Variants in HYDIN observed in about 807,000 individuals in gnomAD.
HYDIN encodes the protein HYDIN axonemal central pair apparatus protein.
A neutral mutation model predicts 403.9 loss-of-function variants in HYDIN; 132 were observed. The ratio of observed to expected loss-of-function variants is 0.33; its 90% CI spans 0.28 to 0.38. The LOEUF (loss-of-function observed/expected upper bound fraction) is 0.38, where lower values mean the gene tolerates loss of function less well. HYDIN is among the 10% of genes least tolerant of loss of function. HYDIN has a pLI of 1.00. For synonymous variants in HYDIN, 1,202 were observed against 1,891.7 expected, an observed-to-expected ratio of 0.64 and a Z score of 9.46; for missense variants, 2,827 against 5,009.5, an observed-to-expected ratio of 0.56 and a Z score of 13.15.
intron 65 of HYDIN, 67 bp downstream of exon 65, chr16:70,871,970 T>C: frequency 4.0e-6 from 6 of 1,486,964 alleles, no homozygotes; most frequent in Non-Finnish European, 5.4e-6. Context: ...GGGAAAGGGC[T>C]GACAATCAGT....
chr16:71,230,447 A>G (rs2041230358), intron 1 of HYDIN, 115 bp downstream of exon 1: 1 of 1,270,234 alleles, frequency 7.9e-7, no homozygotes, highest in Non-Finnish European at 1.1e-6. Context: ...GGGTCTGGAA[A>G]GTCTGGAGAA....
chr16:71,161,331 C>G (rs1439075606), intron 6 of HYDIN, among the ~76,000 whole-genome samples: 1 of 152,188 alleles, frequency 6.6e-6, no homozygotes, highest in African/African-American at 2.4e-5. Context: ...ACAGATAAAG[C>G]TTTGCTCTCT....
intron 18 of HYDIN, among the ~76,000 whole-genome samples, chr16:71,034,773 GATA>G (rs2081031713): frequency 6.6e-6 from 1 of 150,734 alleles, no homozygotes; most frequent in Non-Finnish European, 1.5e-5. Flanking sequence ...GCAGATGAAT[GATA>G]ATGAGGAAAT....
chr16:70,835,532 A>G, intron 78 of HYDIN, 144 bp downstream of exon 78: 1 of 722,170 alleles, frequency 1.4e-6, no homozygotes, highest in South Asian at 1.9e-5. Context: ...GTGAAAATGA[A>G]CAGAGGGAGT....
chr16:70,892,375 C>T lies in HYDIN; in HGVS notation c.9403G>A (p.Val3135Ile). The change falls in exon 56 of 86, where the codon GTT becomes ATT. Residue 3135 changes from valine (V) to isoleucine (I), a missense_variant. Val to Ile is a conservative substitution (Grantham distance 29). Transcript: ENST00000393567. ...KKEVKIEHQPVLRCQIIEPNI... is the reference protein window; with the variant it reads ...KKEVKIEHQPILRCQIIEPNI... ...AGCTCTCTTACCTGACAGCGCAGAA[C>T]AGGCTGGTGCTCAATCTTCACTTCC... The T allele has an allele frequency of 6.4e-7, 1 of 1,563,354 alleles. No homozygotes were observed. Among genetic ancestry groups the T allele is most frequent in the African/African-American group, 1.4e-5 (1 of 73,180 alleles).
rs1199971095 is a variant in HYDIN at position 70,884,025 on chromosome 16, T to C, written c.9874A>G (p.Met3292Val). 2 of 1,614,162 alleles carry C rather than the reference T, an allele frequency of 1.2e-6. No individual in the cohort carries two copies. Among genetic ancestry groups the C allele is most frequent in the Middle Eastern group, 3.3e-4 (2 of 6,062 alleles). Residue 3292 changes from methionine (M) to valine (V), a missense_variant, in exon 59 of 86, where the codon ATG (methionine) becomes GTG (valine). Transcript: ENST00000393567. ...VINVDCVADA[M>V]GKCEEFIAID... The stretch of plus-strand genomic sequence containing the variant: ...GCTATAAACTCCTCACACTTTCCCA[T>C]GGCGTCAGCCACACAGTCAACGTTG...
chr16:71,120,592 T>A (rs1458787673), intron 9 of HYDIN, among the ~76,000 whole-genome samples: 1 of 151,550 alleles, frequency 6.6e-6, no homozygotes, highest in Non-Finnish European at 1.5e-5. Context: ...CAGCAATACT[T>A]ACAGGGGATC....
chr16:71,178,744 A>G (rs557057197), intron 4 of HYDIN, among the ~76,000 whole-genome samples, 184 bp downstream of exon 4: 1 of 152,314 alleles, frequency 6.6e-6, no homozygotes, highest in East Asian at 1.9e-4. Context: ...AGGACTCAAC[A>G]TATAGCAACA....
chr16:71,069,211 A>G (rs6416719), intron 14 of HYDIN, 56 bp downstream of exon 14: 357,195 of 1,251,036 alleles, frequency 0.29, 70,982 homozygotes, highest in African/African-American at 0.72. Flanking sequence ...AGGGCCCATG[A>G]CTATTTTGAA....
intron 1 of HYDIN, among the ~76,000 whole-genome samples, chr16:71,195,981 A>AT (rs1425234120): frequency 6.6e-6 from 1 of 152,230 alleles, no homozygotes; most frequent in Non-Finnish European, 1.5e-5. Flanking sequence ...ACTAAGGACC[A>AT]TGTAGGAAGA....
intron 8 of HYDIN, among the ~76,000 whole-genome samples, chr16:71,134,531 G>A (rs2084840297): frequency 6.6e-6 from 1 of 152,206 alleles, no homozygotes; most frequent in African/African-American, 2.4e-5. Flanking sequence ...TTTCAGGGAT[G>A]GGCGGGTCTC....
At chr16:71,018,934 T>TG (rs2080366959) in intron 22 of HYDIN, among the ~76,000 whole-genome samples, 1 of 48,172 alleles carries the variant, frequency 2.1e-5, no homozygotes, top group Non-Finnish European at 4.3e-5. Flanking sequence ...GGGTTGGGGG[T>TG]GGGGGGCTCT....
At chr16:71,198,857 G>A (rs1170764240) in intron 1 of HYDIN, among the ~76,000 whole-genome samples, 1 of 152,206 alleles carries the variant, frequency 6.6e-6, no homozygotes, top group African/African-American at 2.4e-5. Flanking sequence ...TCGGTGCACA[G>A]TGAATCTCCT....
chr16:71,163,683 T>G (rs1294360842), intron 5 of HYDIN, among the ~76,000 whole-genome samples: 1 of 152,164 alleles, frequency 6.6e-6, no homozygotes, highest in Non-Finnish European at 1.5e-5. Context: ...ACCAAGACCA[T>G]GCTAGACCAG....
chr16:70,931,799 G>T (rs1399878564), intron 45 of HYDIN, among the ~76,000 whole-genome samples: 1 of 152,000 alleles, frequency 6.6e-6, no homozygotes, highest in Non-Finnish European at 1.5e-5. Context: ...TGGATCACTT[G>T]AGGTCAGGAG....
At chr16:71,196,564 T>C (rs919720539) in intron 1 of HYDIN, among the ~76,000 whole-genome samples, 1 of 152,196 alleles carries the variant, frequency 6.6e-6, no homozygotes, top group Non-Finnish European at 1.5e-5. Context: ...GTATATTTGT[T>C]AGGGGAGTTT....
At chr16:71,139,009 G>A (rs12448734) in intron 7 of HYDIN, among the ~76,000 whole-genome samples, 10 of 151,420 alleles carry the variant, frequency 6.6e-5, no homozygotes, top group East Asian at 1.9e-4. Context: ...ACTTGAACCC[G>A]GGAGGCGGAG....
At position 71,009,251 on chromosome 16, in the gene HYDIN, C is replaced by T. The variant is rs1006044297; in HGVS notation, c.3644+8878G>A. Reference sequence around the variant, plus strand: ...CCGACTGAGAATGGAGGTAATATGGCAGAGGGCAGAGCCGAGGGATGATGG... The same window carrying T: ...CCGACTGAGAATGGAGGTAATATGGTAGAGGGCAGAGCCGAGGGATGATGG... On this transcript the variant is annotated intron_variant, in intron 23 of 85. Transcript: ENST00000393567. 2.3e-4 allele frequency among the ~76,000 whole-genome samples: 33 copies of T among 143,606 alleles called. 1 individual carries two copies. In the South Asian group the frequency reaches 7.4e-3, roughly 32 times the overall value. The allele number at this position is 143,606 out of a possible 152,430, so 94.2% of individuals were successfully genotyped here.
At chr16:71,026,833 T>C (rs1164071759) in intron 20 of HYDIN, among the ~76,000 whole-genome samples, 1 of 152,168 alleles carries the variant, frequency 6.6e-6, no homozygotes, top group African/African-American at 2.4e-5. Flanking sequence ...AAAGTTCTTT[T>C]TGCTTCCTAT....
Sources: gnomAD v4.1 joint callset for allele counts (sites outside exome capture counted in the v4.1 genomes callset) on GRCh38, gnomAD v4.1.1 for gene constraint, MANE v1.5 for transcripts, NCBI Gene and HGNC (gene_info 2026-07-23, HGNC 2026-07-21) for gene names.